The following ERCC1 variants were observed in gnomAD, a reference collection of about 807,000 sequenced individuals.
The protein encoded by ERCC1 is ERCC excision repair 1, endonuclease non-catalytic subunit, also known as DNA excision repair protein ERCC-1.
In ERCC1, 36 loss-of-function variants were observed where a neutral mutation model predicts 37.6. The observed-to-expected ratio is 0.96, with a 90% CI of 0.73 to 1.26. The LOEUF is 1.26. ERCC1 is among the 50% of genes most tolerant of loss of function. ERCC1 has a pLI of 0.00. For missense variants in ERCC1, 349 were observed against 376.5 expected, an observed-to-expected ratio of 0.93 and a Z score of 0.60; for synonymous variants, 156 against 162.1, an observed-to-expected ratio of 0.96 and a Z score of 0.28.
At chr19:45,436,056 G>A (rs760889803) in intron 1 of ERCC1, among the ~76,000 whole-genome samples, 1 of 151,828 alleles carries the variant, frequency 6.6e-6, no homozygotes, top group Non-Finnish European at 1.5e-5. Flanking sequence ...ATGAGCCACC[G>A]TGCCCAGCCT....
chr19:45,417,911 C>T (rs959678642), intron 5 of ERCC1, among the ~76,000 whole-genome samples: 3 of 151,936 alleles, frequency 2.0e-5, no homozygotes, highest in Admixed American at 1.3e-4. Flanking sequence ...AGACTAGTCT[C>T]GAACTCTTGG....
At chr19:45,448,953 C>T (rs1485638406) in intron 1 of ERCC1, among the ~76,000 whole-genome samples, 1 of 152,142 alleles carries the variant, frequency 6.6e-6, no homozygotes, top group Non-Finnish European at 1.5e-5. Context: ...GTAGGATGCA[C>T]ATTAAATACG....
chr19:45,445,779 C>T (rs961217682), intron 1 of ERCC1, among the ~76,000 whole-genome samples: 7 of 152,058 alleles, frequency 4.6e-5, no homozygotes, highest in Admixed American at 2.0e-4. Context: ...GGGCTGATCC[C>T]GCAGGGCCCG....
At chr19:45,416,237 GA>G (rs1157027673) in intron 6 of ERCC1, among the ~76,000 whole-genome samples, 1 of 152,246 alleles carries the variant, frequency 6.6e-6, no homozygotes, top group Non-Finnish European at 1.5e-5. Context: ...CACTGCTGAA[GA>G]AATGTTAGCT....
At chr19:45,448,300 A>G (rs1296153842) in intron 1 of ERCC1, among the ~76,000 whole-genome samples, 3 of 152,178 alleles carry the variant, frequency 2.0e-5, no homozygotes, top group African/African-American at 7.2e-5. Context: ...TTACAGACAG[A>G]GAAGAGTCAA....
intron 1 of ERCC1, among the ~76,000 whole-genome samples, chr19:45,446,459 A>G (rs1303314644): frequency 6.6e-6 from 1 of 152,220 alleles, no homozygotes; most frequent in Non-Finnish European, 1.5e-5. Context: ...ATCCCCATAA[A>G]AGTTAACATC....
In ERCC1 at chr19:45,407,471, G is replaced by C. The variant is rs1208472303; in HGVS notation, c.*2204C>G. 1 of 502,608 alleles carries C rather than the reference G, an allele frequency of 2.0e-6. No homozygotes were observed. Among genetic ancestry groups the C allele is most frequent in the African/African-American group, 2.0e-5 (1 of 49,590 alleles). The allele number at this position is 502,608 out of a possible 1,614,324, so 31.1% of individuals were successfully genotyped here. On this transcript the variant is annotated 3_prime_UTR_variant, in exon 10 of 10. Coordinates refer to ENST00000300853, the MANE Select transcript of ERCC1 (RefSeq NM_001983.4). ...CTATAAGGAACTATAGTTAAACTTG[G>C]AGTGTGCAGATAAGCTCACTAAAGG...
rs187894001 is a variant in ERCC1, at chr19:45,438,947, T to G, written c.-7-15566A>C. 2.0e-5 allele frequency among the ~76,000 whole-genome samples: 3 copies of G among 152,274 alleles called. No individual in the cohort carries two copies. In the East Asian group the frequency reaches 5.8e-4, roughly 29 times the overall value. ...TGAACCACCGCGCCCGGCCCGAAGT[T>G]ATTCCTCTTATCTGACTGTAGTTTG... On this transcript the variant is annotated intron_variant, in intron 1 of 8. Transcript: ENST00000423698.
At chr19:45,423,506 A>G in intron 1 of ERCC1, 125 bp from the exon 2 acceptor site, 2 of 1,484,632 alleles carry the variant, frequency 1.3e-6, no homozygotes, top group Non-Finnish European at 1.8e-6. Context: ...CAGGTCCCCA[A>G]CACCCAGCGC....
At chr19:45,447,327 G>A (rs1966978969) in intron 1 of ERCC1, among the ~76,000 whole-genome samples, 2 of 142,548 alleles carry the variant, frequency 1.4e-5, no homozygotes, top group East Asian at 2.1e-4. Context: ...CCAGGCTGGA[G>A]TACAGTGGCG....
At chr19:45,413,453 A>AT in intron 9 of ERCC1, 1 of 868,974 alleles carries the variant, frequency 1.2e-6, no homozygotes, top group Non-Finnish European at 1.9e-6. Flanking sequence ...AGTTTTTTTT[A>AT]TTTTTAGTAA....
chr19:45,442,712 A>G (rs1398948668), intron 1 of ERCC1, among the ~76,000 whole-genome samples: 1 of 152,140 alleles, frequency 6.6e-6, no homozygotes, highest in Non-Finnish European at 1.5e-5. Flanking sequence ...GGAGGGTGAC[A>G]GGGGTGGGGA....
At chr19:45,433,164 C>T (rs763176273) in intron 1 of ERCC1, among the ~76,000 whole-genome samples, 1 of 152,050 alleles carries the variant, frequency 6.6e-6, no homozygotes, top group African/African-American at 2.4e-5. Flanking sequence ...ACAAGGCAGG[C>T]AGATCACTTG....
intron 1 of ERCC1, 91 bp from the exon 2 acceptor site, chr19:45,423,472 A>G (rs1599844407): frequency 1.3e-6 from 2 of 1,511,022 alleles, no homozygotes; most frequent in East Asian, 4.9e-5. Context: ...CGTCCCCCAC[A>G]AAACTCCGAG....
At chr19:45,423,603 C>T in intron 1 of ERCC1, 178 bp downstream of exon 1, 1 of 1,396,292 alleles carries the variant, frequency 7.2e-7, no homozygotes, top group Non-Finnish European at 9.3e-7. Context: ...TCGCTCCGCC[C>T]CTCGCCCCCA....
At chr19:45,444,151 A>G (rs10403287) in intron 1 of ERCC1, among the ~76,000 whole-genome samples, 2,970 of 147,296 alleles carry the variant, frequency 0.02, 105 homozygotes, top group African/African-American at 0.07. Context: ...CTTCCCTCCA[A>G]CTGACCCCAA....
At chr19:45,409,895 A>ATTAT (rs1555785258) in intron 9 of ERCC1, 170 bp from the exon 10 acceptor site, 20,697 of 171,034 alleles carry the variant, frequency 0.12, 1,457 homozygotes, top group East Asian at 0.25. Flanking sequence ...TATTATTATT[A>ATTAT]TTTTTTTTTT....
rs781105455 is a variant in ERCC1 at position 45,408,527 on chromosome 19, A to C, written c.*1148T>G. ...GATGCAGGTGACAGAGGCCCCAGTCACTCAGGAGGCAGTGAATGGGCACGG... is the reference window on the plus strand; with the variant it reads ...GATGCAGGTGACAGAGGCCCCAGTCCCTCAGGAGGCAGTGAATGGGCACGG... On this transcript the variant is annotated 3_prime_UTR_variant, in exon 10 of 10. Transcript: ENST00000300853. The C allele has an allele frequency of 8.7e-6, 14 of 1,613,996 alleles. No homozygotes were observed. Among genetic ancestry groups the C allele is most frequent in the Non-Finnish European group, 1.0e-5 (12 of 1,179,994 alleles).
chr19:45,445,207 C>T (rs141458771), intron 1 of ERCC1, among the ~76,000 whole-genome samples: 10 of 152,258 alleles, frequency 6.6e-5, no homozygotes, highest in African/African-American at 1.2e-4. Flanking sequence ...AGTAGAGACA[C>T]GGTTTCACCA....
Sources: gnomAD v4.1 joint callset for allele counts (sites outside exome capture counted in the v4.1 genomes callset) on GRCh38, gnomAD v4.1.1 for gene constraint, MANE v1.5 for transcripts, NCBI Gene and HGNC (gene_info 2026-07-23, HGNC 2026-07-21) for gene names.